DLC1: variants seen among roughly 807,000 people sequenced by gnomAD.
DLC1 encodes DLC1 Rho GTPase activating protein.
In DLC1, 54 loss-of-function variants were observed where a neutral mutation model predicts 140.3. The ratio of observed to expected loss-of-function variants is 0.38; its 90% confidence interval spans 0.31 to 0.48. The LOEUF is 0.48. Ranked by LOEUF, DLC1 falls within the 20% of genes least tolerant of loss-of-function variation. The pLI, the probability that DLC1 is intolerant of heterozygous loss-of-function variation, is 0.96. For synonymous variants in DLC1, 986 were observed against 728.1 expected (o/e 1.35, Z -5.70); for missense variants, 2,536 against 1,907.0 (o/e 1.33, Z -6.14).
chr8:13,114,708 A>G (rs1820399677), intron 6 of DLC1, among the ~76,000 whole-genome samples: 1 of 152,246 alleles, frequency 6.6e-6, no homozygotes, highest in East Asian at 1.9e-4. Context: ...AATCATTAAG[A>G]GAAGCATAAT....
chr8:13,568,874 T>C (rs1324576254), intron 1 of DLC1, among the ~76,000 whole-genome samples: 2 of 152,134 alleles, frequency 1.3e-5, no homozygotes, highest in Non-Finnish European at 2.9e-5. Flanking sequence ...GCAGACAAAA[T>C]AGATTGAGGA....
intron 5 of DLC1, among the ~76,000 whole-genome samples, chr8:13,147,793 T>C (rs1039108748): frequency 6.6e-6 from 1 of 152,078 alleles, no homozygotes; most frequent in South Asian, 2.1e-4. Context: ...ATTGAGACCA[T>C]CCTGGCCAAC....
chr8:13,408,726 C>T (rs1317134349), intron 2 of DLC1, among the ~76,000 whole-genome samples: 2 of 152,070 alleles, frequency 1.3e-5, no homozygotes, highest in African/African-American at 2.4e-5. Flanking sequence ...AGGATCAGTC[C>T]TGCTGAGCTG....
intron 4 of DLC1, among the ~76,000 whole-genome samples, chr8:13,339,162 A>G (rs959775924): frequency 2.6e-5 from 4 of 152,216 alleles, no homozygotes; most frequent in African/African-American, 2.4e-5. Flanking sequence ...TACTTTTGTC[A>G]TCAGTTGCCA....
chr8:13,332,400 A>T (rs1179896678), intron 4 of DLC1, among the ~76,000 whole-genome samples: 1 of 150,982 alleles, frequency 6.6e-6, no homozygotes, highest in African/African-American at 2.4e-5. Flanking sequence ...TGCTGGAAAC[A>T]CTGAATGTTC....
At chr8:13,407,478 A>T (rs1198411976) in intron 2 of DLC1, among the ~76,000 whole-genome samples, 3 of 152,196 alleles carry the variant, frequency 2.0e-5, no homozygotes, top group Non-Finnish European at 4.4e-5. Context: ...AGACTGGAGA[A>T]ATATAAAGTC....
At chr8:13,155,497 T>C (rs1404581520) in intron 5 of DLC1, among the ~76,000 whole-genome samples, 1 of 152,136 alleles carries the variant, frequency 6.6e-6, no homozygotes, top group African/African-American at 2.4e-5. Flanking sequence ...TAAAAAAACA[T>C]GTTCACCAAA....
intron 5 of DLC1, among the ~76,000 whole-genome samples, chr8:13,142,033 G>C (rs868095966): frequency 6.6e-6 from 1 of 152,158 alleles, no homozygotes; most frequent in Admixed American, 6.5e-5. Context: ...GTGATAGTGA[G>C]TGAATTCTCA....
At chr8:13,309,177 G>T (rs1344418890) in intron 4 of DLC1, among the ~76,000 whole-genome samples, 1 of 152,022 alleles carries the variant, frequency 6.6e-6, no homozygotes, top group Non-Finnish European at 1.5e-5. Context: ...AACATTTCTT[G>T]CAATAAAGCA....
chr8:13,530,712 A>T (rs542020167), intron 1 of DLC1, among the ~76,000 whole-genome samples: 1 of 152,184 alleles, frequency 6.6e-6, no homozygotes, highest in Non-Finnish European at 1.5e-5. Context: ...CCAATTTTAC[A>T]TTAGTACTCA....
intron 4 of DLC1, among the ~76,000 whole-genome samples, chr8:13,363,935 T>G (rs1835361637): frequency 6.6e-6 from 1 of 152,210 alleles, no homozygotes; most frequent in Admixed American, 6.5e-5. Flanking sequence ...CCCTTAACTC[T>G]TTCTACGCTC....
intron 4 of DLC1, among the ~76,000 whole-genome samples, chr8:13,347,727 A>G (rs1225731166): frequency 6.6e-6 from 1 of 152,196 alleles, no homozygotes; most frequent in Non-Finnish European, 1.5e-5. Flanking sequence ...ATGGGCACAG[A>G]AGCATGAATA....
rs549955447 is a variant in DLC1 at position 13,300,749 on chromosome 8, C to G, written c.1348+4520G>C. Among the ~76,000 whole-genome samples, 53 of 152,296 alleles carry G rather than the reference C, an allele frequency of 3.5e-4. 1 individual carries two copies. The South Asian group carries it at 0.011, about 30-fold the overall frequency. On this transcript the variant is annotated intron_variant, in intron 5 of 17. Coordinates refer to ENST00000276297, the MANE Select transcript of DLC1 (RefSeq NM_182643.3). ...ACTCCTGAATGGACAAATGGCCAGC[C>G]AGGACAGTTTAATTTTACTCTGTGG...
chr8:13,118,196 C>T (rs148578568), intron 5 of DLC1, among the ~76,000 whole-genome samples: 3 of 151,848 alleles, frequency 2.0e-5, no homozygotes, highest in Admixed American at 2.0e-4. Flanking sequence ...TTCTAATGGC[C>T]CTGTCTAACA....
intron 2 of DLC1, among the ~76,000 whole-genome samples, chr8:13,481,829 G>A: frequency 6.6e-6 from 1 of 152,182 alleles, no homozygotes; most frequent in East Asian, 1.9e-4. Flanking sequence ...GGACAGGCCA[G>A]TATTCCAACT....
chr8:13,573,467 A>C (rs36012255), intron 1 of DLC1, among the ~76,000 whole-genome samples: 56,682 of 151,986 alleles, frequency 0.37, 10,779 homozygotes, highest in Middle Eastern at 0.46. Context: ...CATAATTGCT[A>C]TGGCTATCAC....
chr8:13,176,173 C>G (rs1393881763), intron 5 of DLC1, among the ~76,000 whole-genome samples: 1 of 152,106 alleles, frequency 6.6e-6, no homozygotes, highest in African/African-American at 2.4e-5. Context: ...TTTATGGATT[C>G]TAAAGCAAAT....
At chr8:13,423,060 C>G (rs540332024) in intron 2 of DLC1, among the ~76,000 whole-genome samples, 2 of 152,236 alleles carry the variant, frequency 1.3e-5, no homozygotes, top group African/African-American at 4.8e-5. Context: ...CTAGCTCTAG[C>G]TCAGTTCTTA....
At position 13,541,553 on chromosome 8, in the gene DLC1, A is replaced by T. The variant is rs189057964; in HGVS notation, c.-125-41357T>A. Reference sequence around the variant, plus strand: ...AATGATTTTGGGAATCTTTTTATGGATTTATTTATTTATTGAGCCGGGGTC... The same window carrying T: ...AATGATTTTGGGAATCTTTTTATGGTTTTATTTATTTATTGAGCCGGGGTC... On this transcript the variant is annotated intron_variant, in intron 1 of 1. Transcript: ENST00000631382. Among the ~76,000 whole-genome samples the T allele has an allele frequency of 5.5e-3, 828 of 151,766 alleles. 8 individuals carry two copies. The highest frequency in any genetic ancestry group is 4.1e-3 in the Non-Finnish European group (280 of 67,914).
Sources: gnomAD v4.1 joint callset for allele counts (sites outside exome capture counted in the v4.1 genomes callset) on GRCh38, gnomAD v4.1.1 for gene constraint, MANE v1.5 for transcripts, NCBI Gene and HGNC (gene_info 2026-07-23, HGNC 2026-07-21) for gene names.